Variants in NIN observed in about 807,000 individuals in gnomAD.
The protein encoded by NIN is ninein.
NIN carries 137 observed loss-of-function variants against 257.6 expected under a neutral mutation model. The ratio of observed to expected loss-of-function variants is 0.53; its 90% CI spans 0.46 to 0.61. NIN has a LOEUF of 0.61. Among genes scored for constraint, NIN ranks in the 20% least tolerant of loss-of-function variants. The pLI is 0.00. For synonymous variants in NIN, 918 were observed against 919.8 expected, an observed-to-expected ratio of 1.00 and a Z score of 0.04; for missense variants, 2,439 against 2,501.2, an observed-to-expected ratio of 0.98 and a Z score of 0.53.
At chr14:50,764,918 A>G (rs762522943) in intron 14 of NIN, among the ~76,000 whole-genome samples, 15 of 152,042 alleles carry the variant, frequency 9.9e-5, no homozygotes, top group Non-Finnish European at 1.9e-4. Context: ...AATACAATAA[A>G]AGACTGAATT....
chr14:50,809,906 G>A (rs1595914437), intron 3 of NIN, among the ~76,000 whole-genome samples: 2 of 152,042 alleles, frequency 1.3e-5, no homozygotes, highest in Admixed American at 1.3e-4. Context: ...GAAACACATG[G>A]GATCAAAAGC....
intron 16 of NIN, among the ~76,000 whole-genome samples, chr14:50,760,802 A>C (rs2042247179): frequency 6.6e-6 from 1 of 152,106 alleles, no homozygotes; most frequent in African/African-American, 2.4e-5. Flanking sequence ...CCTCCTGAGT[A>C]GTTGGGACTA....
At chr14:50,731,388 G>A (rs11157762) in intron 28 of NIN, among the ~76,000 whole-genome samples, 29,312 of 151,858 alleles carry the variant, frequency 0.19, 3,529 homozygotes, top group East Asian at 0.54. Context: ...AAATTACCCA[G>A]GCATGGTGGC....
intron 3 of NIN, among the ~76,000 whole-genome samples, chr14:50,810,861 A>G (rs963965795): frequency 6.6e-6 from 1 of 151,918 alleles, no homozygotes; most frequent in African/African-American, 2.4e-5. Context: ...ACAGGGTTTC[A>G]CCGCGTTAGC....
chr14:50,793,765 C>T (rs1191315814), intron 4 of NIN, among the ~76,000 whole-genome samples: 1 of 152,196 alleles, frequency 6.6e-6, no homozygotes, highest in Non-Finnish European at 1.5e-5. Context: ...CAACTACAGG[C>T]TAAGCTTTTT....
intron 12 of NIN, 32 bp from the exon 13 acceptor site, chr14:50,766,922 C>A (rs201503985): frequency 1.5e-5 from 22 of 1,458,676 alleles, no homozygotes; most frequent in Admixed American, 3.4e-5. Flanking sequence ...AAATGTGGTA[C>A]AGATTAAGAA....
At position 50,754,546 on chromosome 14, in the gene NIN, A is replaced by G; in HGVS notation, c.4734+17T>C. On this transcript the variant is annotated intron_variant, in intron 20 of 30. Coordinates refer to ENST00000530997, the MANE Select transcript of NIN (RefSeq NM_020921.4). ...TTGGAATCAAAAAACATTGAGAAAT[A>G]TTAAGTATTTCCTTACCTGTTTCTT... 6.3e-7 allele frequency: 1 copy of G among 1,579,634 alleles called. No individual in the cohort carries two copies. Among genetic ancestry groups the G allele is most frequent in the Non-Finnish European group, 8.6e-7 (1 of 1,163,406 alleles).
chr14:50,762,142 A>G (rs949499474), intron 15 of NIN, among the ~76,000 whole-genome samples: 52 of 152,210 alleles, frequency 3.4e-4, no homozygotes, highest in Admixed American at 2.6e-4. Context: ...AGGCAGTGGA[A>G]AAAACCTTAA....
intron 28 of NIN, among the ~76,000 whole-genome samples, chr14:50,732,263 A>C (rs1485218986): frequency 6.6e-6 from 1 of 152,196 alleles, no homozygotes; most frequent in Non-Finnish European, 1.5e-5. Context: ...AAATCCCCTG[A>C]ATCCAGAGAT....
intron 20 of NIN, among the ~76,000 whole-genome samples, chr14:50,754,311 C>T (rs529966768): frequency 3.3e-5 from 5 of 152,256 alleles, no homozygotes; most frequent in African/African-American, 1.2e-4. Flanking sequence ...GGTATCACCT[C>T]CTCAATTCTG....
At chr14:50,748,382 G>T (rs553418282) in intron 21 of NIN, among the ~76,000 whole-genome samples, 1 of 152,134 alleles carries the variant, frequency 6.6e-6, no homozygotes, top group East Asian at 1.9e-4. Context: ...ATGGGCAAAA[G>T]CTGGAAGCAT....
chr14:50,756,699 T>C lies in NIN; in HGVS notation c.4331A>G (p.His1444Arg). Residue 1444 changes from histidine to arginine, a missense_variant, in exon 18 of 31, where the codon CAT becomes CGT. Physicochemically the swap from His to Arg is conservative, Grantham distance 29 (BLOSUM62 0). This residue lies in a region of NIN where 2,043 missense variants were observed against 2,050.2 expected (regional missense o/e 1.00). Coordinates refer to ENST00000530997, the MANE Select transcript of NIN (RefSeq NM_020921.4). ...NTTLLGFQDK[H>R]FQHQATIAEL... Reference sequence around the variant, plus strand: ...TGCTATGGTGGCCTGATGCTGAAAATGTTTGTCTTGAAAGCCTAGGAGAGT... The same window carrying C: ...TGCTATGGTGGCCTGATGCTGAAAACGTTTGTCTTGAAAGCCTAGGAGAGT... The C allele has an allele frequency of 6.4e-7, 1 of 1,551,696 alleles. No homozygotes were observed. Among genetic ancestry groups the C allele is most frequent in the South Asian group, 1.2e-5 (1 of 84,084 alleles).
In NIN at chr14:50,788,096, T is replaced by C. The variant is rs987029553; in HGVS notation, c.435+4616A>G. Reference sequence around the variant, plus strand: ...TAAACATGTAAACATGTAAAATGTTTACAATTTATGTTGGGGCTTTAACAT... The same window carrying C: ...TAAACATGTAAACATGTAAAATGTTCACAATTTATGTTGGGGCTTTAACAT... On this transcript the variant is annotated intron_variant, in intron 5 of 30. Coordinates refer to ENST00000530997, the MANE Select transcript of NIN (RefSeq NM_020921.4). Among the ~76,000 whole-genome samples the C allele has an allele frequency of 7.9e-5, 12 of 152,324 alleles. No homozygotes were observed. In the South Asian group the frequency reaches 1.7e-3, roughly 21 times the overall value.
chr14:50,810,100 G>A (rs960253755), intron 3 of NIN, among the ~76,000 whole-genome samples: 10 of 152,024 alleles, frequency 6.6e-5, no homozygotes, highest in South Asian at 2.1e-4. Flanking sequence ...GCGTGGTGGC[G>A]GGCGCCTGTA....
In NIN at chr14:50,723,359, G is replaced by T; in HGVS notation, c.*104C>A. 2.3e-6 allele frequency: 2 copies of T among 885,206 alleles called. No individual in the cohort carries two copies. Among genetic ancestry groups the T allele is most frequent in the Non-Finnish European group, 3.5e-6 (2 of 573,574 alleles). The allele number at this position is 885,206 out of a possible 1,614,324, so 54.8% of individuals were successfully genotyped here. A position where few individuals can be genotyped will look rare whatever the true frequency, so the allele number is the denominator to read the frequency against. Reference sequence around the variant, plus strand: ...TATGATAAATGGAAACTCCAGTTGTGTTGCTGGCAGTTTTAGGTTAGGCTT... The same window carrying T: ...TATGATAAATGGAAACTCCAGTTGTTTTGCTGGCAGTTTTAGGTTAGGCTT... On this transcript the variant is annotated 3_prime_UTR_variant, in exon 31 of 31. Coordinates refer to ENST00000530997, the MANE Select transcript of NIN (RefSeq NM_020921.4).
intron 28 of NIN, among the ~76,000 whole-genome samples, chr14:50,734,159 G>A (rs1425900743): frequency 1.3e-5 from 2 of 149,728 alleles, no homozygotes; most frequent in East Asian, 2.0e-4. Context: ...ACGTGATCTC[G>A]GCTCACTGCA....
intron 6 of NIN, among the ~76,000 whole-genome samples, 198 bp from the exon 7 acceptor site, chr14:50,777,337 C>T (rs537958753): frequency 2.6e-5 from 4 of 152,296 alleles, no homozygotes; most frequent in Non-Finnish European, 4.4e-5. Flanking sequence ...TAAATGGGTA[C>T]TTTTTGGCTC....
intron 3 of NIN, among the ~76,000 whole-genome samples, chr14:50,820,516 C>T (rs150329048): frequency 5.3e-5 from 8 of 152,188 alleles, no homozygotes; most frequent in Admixed American, 3.3e-4. Context: ...TACTGAGATC[C>T]CCAAGGACCA....
intron 29 of NIN, among the ~76,000 whole-genome samples, chr14:50,729,109 G>A (rs183357689): frequency 1.1e-3 from 164 of 152,274 alleles, no homozygotes; most frequent in Admixed American, 4.1e-3. Flanking sequence ...ATACTTCATC[G>A]TTTATTACAA....
Sources: allele counts gnomAD v4.1 joint callset (sites outside exome capture counted in the v4.1 genomes callset), GRCh38; gene constraint gnomAD v4.1.1; regional missense constraint gnomAD v4.1.1; transcripts MANE v1.5; gene names NCBI Gene and HGNC (gene_info 2026-07-23, HGNC 2026-07-21).